The following DGKG variants were observed in gnomAD, a reference collection of about 807,000 sequenced individuals.
The protein encoded by DGKG is DAG kinase gamma.
A neutral mutation model predicts 105.3 loss-of-function variants in DGKG; 78 were observed. The ratio of observed to expected loss-of-function variants is 0.74; its 90% CI spans 0.62 to 0.89. The LOEUF is 0.89. Ranked by LOEUF, DGKG falls within the 40% of genes least tolerant of loss-of-function variation. The probability of loss-of-function intolerance (pLI) is 0.00; values close to 1 mark genes in which losing one functional copy is unlikely to be tolerated. For missense variants in DGKG, 958 were observed against 1,020.1 expected, an observed-to-expected ratio of 0.94 and a Z score of 0.83; for synonymous variants, 346 against 367.1, an observed-to-expected ratio of 0.94 and a Z score of 0.66.
rs1424649241 is a variant in DGKG, at chr3:186,151,853, C to T, written c.2278-1665G>A. On this transcript the variant is annotated intron_variant, in intron 24 of 24. Coordinates refer to ENST00000265022, the MANE Select transcript of DGKG (RefSeq NM_001346.3). ...CAGCACTTCGGGAGGCTGAGATGGG[C>T]GGATCACTTGAGCCCAGGAGTTTGA... 4.6e-5 allele frequency among the ~76,000 whole-genome samples: 7 copies of T among 152,008 alleles called. No homozygotes were observed. In the South Asian group the frequency reaches 6.3e-4, roughly 14 times the overall value.
In DGKG at chr3:186,320,638, G is replaced by A; in HGVS notation, c.-179C>T. ...AGGCACCTCTCAGAAGATGAGACAA[G>A]ATCTCTGCTATTCCTTAGGCAACAT... On this transcript the variant is annotated 5_prime_UTR_variant, in exon 2 of 25. Transcript: ENST00000265022. The A allele has an allele frequency of 1.0e-6, 1 of 993,100 alleles. No homozygotes were observed. The highest frequency in any genetic ancestry group is 2.2e-5 in the South Asian group (1 of 45,322). 61.5% of individuals were successfully genotyped at this position (993,100 alleles called of 1,614,324 possible). A position where few individuals can be genotyped will look rare whatever the true frequency, so the allele number is the denominator to read the frequency against.
chr3:186,164,154 G>GT (rs1024393814), intron 23 of DGKG, among the ~76,000 whole-genome samples: 3 of 152,214 alleles, frequency 2.0e-5, no homozygotes, highest in African/African-American at 7.2e-5. Context: ...GGGAAACCCA[G>GT]TATCCTGTGG....
At chr3:186,187,251 T>C (rs963845126) in intron 22 of DGKG, among the ~76,000 whole-genome samples, 4 of 152,184 alleles carry the variant, frequency 2.6e-5, no homozygotes, top group Non-Finnish European at 5.9e-5. Flanking sequence ...TTTGCAGTAA[T>C]CCAGGGGACA....
intron 10 of DGKG, among the ~76,000 whole-genome samples, chr3:186,274,214 G>T (rs1311874961): frequency 6.6e-6 from 1 of 152,014 alleles, no homozygotes; most frequent in Non-Finnish European, 1.5e-5. Flanking sequence ...TTGAGACAGG[G>T]TTTCACTCCG....
chr3:186,306,934 C>G lies in DGKG; in HGVS notation c.111G>C (p.Glu37Asp). 6.2e-7 allele frequency: 1 copy of G among 1,613,180 alleles called. No individual in the cohort carries two copies. The highest frequency in any genetic ancestry group is 1.3e-5 in the African/African-American group (1 of 74,994). The change falls in exon 3 of 25, where the codon GAG becomes GAC. Residue 37 changes from glutamate to aspartate, a missense_variant. By Grantham distance (45) the Glu-to-Asp change is conservative. Transcript: ENST00000265022. The part of the protein sequence containing the change: ...KIKDALTEFN[E>D]GGSLKQYDPH... The stretch of plus-strand genomic sequence containing the variant: ...GGTCATATTGTTTGAGGCTCCCACC[C>G]TCATTAAATTCAGTCAAGGCATCTT...
chr3:186,192,988 T>C (rs1717979311), intron 21 of DGKG, among the ~76,000 whole-genome samples: 1 of 152,146 alleles, frequency 6.6e-6, no homozygotes, highest in South Asian at 2.1e-4. Flanking sequence ...GCCAGCTAAG[T>C]GTGTTTGCTA....
At chr3:186,277,674 T>C (rs1320892224) in intron 9 of DGKG, among the ~76,000 whole-genome samples, 1 of 152,162 alleles carries the variant, frequency 6.6e-6, no homozygotes, top group Non-Finnish European at 1.5e-5. Context: ...GACCGTGACT[T>C]GGGATAAAGT....
At chr3:186,216,418 T>C (rs1322341284) in intron 20 of DGKG, among the ~76,000 whole-genome samples, 1 of 152,166 alleles carries the variant, frequency 6.6e-6, no homozygotes, top group African/African-American at 2.4e-5. Flanking sequence ...ACTCAGGCAC[T>C]TTTTGGCTAG....
intron 1 of DGKG, among the ~76,000 whole-genome samples, chr3:186,353,740 C>T (rs1015333919): frequency 7.3e-5 from 11 of 150,546 alleles, no homozygotes; most frequent in African/African-American, 2.7e-4. Flanking sequence ...CTCCTGGAAA[C>T]CCAGTTGATC....
intron 9 of DGKG, among the ~76,000 whole-genome samples, chr3:186,276,212 G>A (rs960559620): frequency 1.3e-5 from 2 of 152,128 alleles, no homozygotes; most frequent in African/African-American, 2.4e-5. Flanking sequence ...TAGTACATCC[G>A]TCTGATGTAA....
chr3:186,225,864 C>T (rs1006525668), intron 20 of DGKG, among the ~76,000 whole-genome samples: 1 of 152,230 alleles, frequency 6.6e-6, no homozygotes, highest in African/African-American at 2.4e-5. Context: ...CCTGTCTGAG[C>T]TGCTGGTGTC....
At chr3:186,328,600 G>C (rs575987289) in intron 1 of DGKG, among the ~76,000 whole-genome samples, 80 of 149,710 alleles carry the variant, frequency 5.3e-4, no homozygotes, top group Non-Finnish European at 1.0e-3. Flanking sequence ...TCTTGAGATG[G>C]AGTTTTGCTC....
chr3:186,356,275 G>A (rs916779172), intron 1 of DGKG, among the ~76,000 whole-genome samples: 7 of 152,282 alleles, frequency 4.6e-5, no homozygotes, highest in Middle Eastern at 3.4e-3. Flanking sequence ...TTCAGAGATG[G>A]CAGGAAGCTG....
intron 11 of DGKG, among the ~76,000 whole-genome samples, chr3:186,271,814 T>A (rs1468499588): frequency 6.6e-6 from 1 of 152,208 alleles, no homozygotes; most frequent in Non-Finnish European, 1.5e-5. Context: ...TTCCTCTGCC[T>A]GGAGAGTCTG....
At chr3:186,322,613 C>T (rs1194407609) in intron 1 of DGKG, among the ~76,000 whole-genome samples, 2 of 152,120 alleles carry the variant, frequency 1.3e-5, no homozygotes, top group Non-Finnish European at 2.9e-5. Context: ...TTCCAAAATC[C>T]TGTCCTCAGC....
chr3:186,227,130 C>T (rs1172727350), intron 20 of DGKG, among the ~76,000 whole-genome samples: 1 of 152,096 alleles, frequency 6.6e-6, no homozygotes, highest in African/African-American at 2.4e-5. Flanking sequence ...AAAGTCCCAT[C>T]CAAAGCTAGG....
intron 4 of DGKG, 108 bp from the exon 5 acceptor site, chr3:186,297,591 G>T (rs1205822698): frequency 6.4e-6 from 5 of 786,304 alleles, no homozygotes; most frequent in Non-Finnish European, 1.1e-5. Context: ...TTGTGTCTGT[G>T]TCTCGGGGTT....
chr3:186,240,805 ATG>A (rs1720648424), intron 20 of DGKG, among the ~76,000 whole-genome samples: 1 of 55,690 alleles, frequency 1.8e-5, no homozygotes, highest in Non-Finnish European at 5.6e-5. Flanking sequence ...GCGAAACTCC[ATG>A]AAAAAAAAAA....
intron 1 of DGKG, among the ~76,000 whole-genome samples, chr3:186,331,056 A>G (rs531685030): frequency 1.6e-4 from 25 of 152,388 alleles, no homozygotes; most frequent in South Asian, 4.1e-4. Context: ...TTGGAAAATT[A>G]TAGGCTAAAA....
Sources: allele counts gnomAD v4.1 joint callset (sites outside exome capture counted in the v4.1 genomes callset), GRCh38; gene constraint gnomAD v4.1.1; transcripts MANE v1.5; gene names NCBI Gene and HGNC (gene_info 2026-07-23, HGNC 2026-07-21).